Variants in MGST1 observed in about 807,000 individuals in gnomAD.
The protein encoded by MGST1 is glutathione S-transferase 12.
MGST1 carries 5 observed loss-of-function variants against 8.9 expected under a neutral mutation model. The ratio of observed to expected loss-of-function variants is 0.56; its 90% CI spans 0.29 to 1.19. The LOEUF is 1.19. MGST1 is among the 50% of genes most tolerant of loss of function. The pLI is 0.08. For missense variants in MGST1, 182 were observed against 187.4 expected (o/e 0.97, Z 0.17); for synonymous variants, 54 against 67.8 (o/e 0.80, Z 1.00).
At chr12:16,385,179 G>A (rs775044951) in intron 1 of MGST1, among the ~76,000 whole-genome samples, 1 of 152,164 alleles carries the variant, frequency 6.6e-6, no homozygotes, top group Non-Finnish European at 1.5e-5. Flanking sequence ...ACTAAAGATC[G>A]CCTCCCCAGT....
intron 4 of MGST1, among the ~76,000 whole-genome samples, chr12:16,473,453 A>C (rs1359695740): frequency 6.6e-6 from 1 of 152,244 alleles, no homozygotes; most frequent in Non-Finnish European, 1.5e-5. Flanking sequence ...TGGAATGAGA[A>C]TTATACATGG....
At chr12:16,371,523 T>C (rs991690784) in intron 3 of MGST1, among the ~76,000 whole-genome samples, 5 of 152,088 alleles carry the variant, frequency 3.3e-5, no homozygotes, top group African/African-American at 1.2e-4. Flanking sequence ...CCTCTTTTTG[T>C]ATGGCCCACA....
chr12:16,482,023 T>C lies in MGST1; in HGVS notation n.482+98419T>C, dbSNP rs1320395449. On this transcript the variant is annotated intron_variant and non_coding_transcript_variant, in intron 4 of 4. Coordinates refer to the MGST1 transcript ENST00000538857. This position sits in a 1 kb window ranked among gnomAD's most constrained non-coding sequence, Gnocchi z 4.2. ...AGACATTTTACACAGAAAGGAATAA[T>C]AAGCAGATTGACAATGTAAGCTAAG... Among the ~76,000 whole-genome samples the C allele has an allele frequency of 6.6e-6, 1 of 152,044 alleles. No individual in the cohort carries two copies. The highest frequency in any genetic ancestry group is 1.5e-5 in the Non-Finnish European group (1 of 68,006).
intron 4 of MGST1, among the ~76,000 whole-genome samples, chr12:16,510,300 G>C (rs938117553): frequency 6.6e-6 from 1 of 152,022 alleles, no homozygotes; most frequent in Non-Finnish European, 1.5e-5. Flanking sequence ...AGAGAGAACC[G>C]AAGAAGGGAA....
chr12:16,475,154 A>G (rs1941313189), intron 4 of MGST1, among the ~76,000 whole-genome samples: 1 of 152,190 alleles, frequency 6.6e-6, no homozygotes, highest in African/African-American at 2.4e-5. Flanking sequence ...AAGACCATGT[A>G]AAACAGAACC....
intron 1 of MGST1, among the ~76,000 whole-genome samples, chr12:16,425,851 G>A (rs977053081): frequency 2.6e-5 from 4 of 152,188 alleles, no homozygotes; most frequent in Non-Finnish European, 4.4e-5. Context: ...TCACACAAGT[G>A]TGAAGGTGTA....
rs899416256 is a variant in MGST1 at position 16,546,899 on chromosome 12, T to C, written n.483-42629T>C. 3.9e-5 allele frequency among the ~76,000 whole-genome samples: 6 copies of C among 152,034 alleles called. No homozygotes were observed. The highest frequency in any genetic ancestry group is 8.8e-5 in the Non-Finnish European group (6 of 67,980). ...TACCAAAATGCAAAACTGGCAATGA[T>C]CATGCATATTTTAGTCTTCAGGAAA... On this transcript the variant is annotated intron_variant and non_coding_transcript_variant, in intron 4 of 4. Coordinates refer to the MGST1 transcript ENST00000538857. This position sits in a 1 kb window ranked among gnomAD's most constrained non-coding sequence, Gnocchi z 4.7.
At chr12:16,535,995 C>T (rs1941754597) in intron 4 of MGST1, among the ~76,000 whole-genome samples, 1 of 151,884 alleles carries the variant, frequency 6.6e-6, no homozygotes, top group Non-Finnish European at 1.5e-5. Context: ...AGGAGAAATG[C>T]TGGGTGAAGA....
chr12:16,461,604 A>G (rs1941221950), intron 4 of MGST1, among the ~76,000 whole-genome samples: 1 of 152,170 alleles, frequency 6.6e-6, no homozygotes, highest in Non-Finnish European at 1.5e-5. Flanking sequence ...CTAAATAAAC[A>G]TGAGAAGGGG....
intron 1 of MGST1, among the ~76,000 whole-genome samples, chr12:16,349,378 G>T (rs549209105): frequency 1.3e-5 from 2 of 152,184 alleles, no homozygotes; most frequent in East Asian, 3.9e-4. Context: ...GGTTTGGGGG[G>T]AGGGGTAGAA....
intron 4 of MGST1, among the ~76,000 whole-genome samples, chr12:16,484,917 C>T (rs1035490227): frequency 6.6e-5 from 10 of 152,158 alleles, no homozygotes; most frequent in African/African-American, 2.4e-4. Flanking sequence ...AAGCAGATTG[C>T]ACCTAAACCC....
chr12:16,505,602 T>C (rs1941533143), intron 4 of MGST1, among the ~76,000 whole-genome samples: 1 of 152,210 alleles, frequency 6.6e-6, no homozygotes, highest in Admixed American at 6.5e-5. Context: ...ATGGAATCAT[T>C]TCCTAGTTAT....
chr12:16,434,820 A>G (rs1940970087), intron 1 of MGST1, among the ~76,000 whole-genome samples: 1 of 152,082 alleles, frequency 6.6e-6, no homozygotes, highest in South Asian at 2.1e-4. Flanking sequence ...CCCTACTTTG[A>G]TAGCTTCCGT....
At chr12:16,552,334 T>C (rs993888979) in intron 4 of MGST1, among the ~76,000 whole-genome samples, 2 of 152,070 alleles carry the variant, frequency 1.3e-5, no homozygotes, top group African/African-American at 2.4e-5. Context: ...CTATGACCTT[T>C]GATAGTAGTC....
chr12:16,510,141 C>T (rs1941567197), intron 4 of MGST1, among the ~76,000 whole-genome samples: 1 of 152,214 alleles, frequency 6.6e-6, no homozygotes. Context: ...ACTTCTACGT[C>T]GTGCAGTTTG....
rs1404503149 is a variant in MGST1 at position 16,509,708 on chromosome 12, CT to C, written n.483-79818del. Among the ~76,000 whole-genome samples, 6 of 152,290 alleles carry C rather than the reference CT, an allele frequency of 3.9e-5. No homozygotes were observed. The South Asian group carries it at 8.3e-4, about 21-fold the overall frequency. Reference sequence around the variant, plus strand: ...ACATCTGTTTATAGGAGCATGTAGTCTTCCGGAGTCAGTTTTGTCAACTATG... The same window carrying C: ...ACATCTGTTTATAGGAGCATGTAGTCTCCGGAGTCAGTTTTGTCAACTATG... On this transcript the variant is annotated intron_variant and non_coding_transcript_variant, in intron 4 of 4. Coordinates refer to the MGST1 transcript ENST00000538857.
At chr12:16,400,959 C>A in intron 1 of MGST1, 2 of 1,383,308 alleles carry the variant, frequency 1.4e-6, no homozygotes, top group Non-Finnish European at 2.1e-6. Context: ...CACCTCTTTG[C>A]TTCTTCATTG....
intron 4 of MGST1, among the ~76,000 whole-genome samples, chr12:16,494,589 G>A (rs1481039514): frequency 6.6e-6 from 1 of 152,072 alleles, no homozygotes; most frequent in African/African-American, 2.4e-5. Context: ...GTTATATAAA[G>A]TTGCCTTTTG....
intron 4 of MGST1, among the ~76,000 whole-genome samples, chr12:16,449,747 A>G (rs1271969173): frequency 6.6e-6 from 1 of 151,938 alleles, no homozygotes; most frequent in Non-Finnish European, 1.5e-5. Flanking sequence ...AGCTCCATTA[A>G]TAAACAAGTG....
Sources: allele counts gnomAD v4.1 joint callset (sites outside exome capture counted in the v4.1 genomes callset), GRCh38; gene constraint gnomAD v4.1.1; non-coding constraint Gnocchi (gnomAD v3.1); transcripts MANE v1.5; gene names NCBI Gene and HGNC (gene_info 2026-07-23, HGNC 2026-07-21).